CFAP97: variants seen among roughly 807,000 people sequenced by gnomAD.
The protein encoded by CFAP97 is cilia and flagella associated protein 97, also known as cilia- and flagella-associated protein 97.
Under a neutral mutation model 43.1 loss-of-function variants are expected in CFAP97, and 36 were observed. The observed-to-expected ratio is 0.84, with a 90% confidence interval of 0.64 to 1.10. The LOEUF (loss-of-function observed/expected upper bound fraction) is 1.10, where lower values mean the gene tolerates loss of function less well. CFAP97 is among the 50% of genes least tolerant of loss of function. The pLI is 0.00. For missense variants in CFAP97, 657 were observed against 620.3 expected (o/e 1.06, Z -0.63); for synonymous variants, 228 against 225.7 (o/e 1.01, Z -0.09).
chr4:185,171,511 G>C (rs898765520), intron 3 of CFAP97, among the ~76,000 whole-genome samples: 2 of 152,148 alleles, frequency 1.3e-5, no homozygotes, highest in African/African-American at 4.8e-5. Context: ...AACTTTGCTT[G>C]AATTACTTCT....
rs1735761904 is a variant in CFAP97 at position 185,181,092 on chromosome 4, T to C, written c.1055-5041A>G. Among the ~76,000 whole-genome samples, 3 of 151,698 alleles carry C rather than the reference T, an allele frequency of 2.0e-5. No homozygotes were observed. In the South Asian group the frequency reaches 6.2e-4, roughly 31 times the overall value. On this transcript the variant is annotated intron_variant, in intron 2 of 4. Transcript: ENST00000458385. ...CTTAAAACCTTGTCTCTGCAGACTT[T>C]TGTCTGCAGACAAAATACTCTAAAA...
At chr4:185,176,695 G>C (rs954681680) in intron 2 of CFAP97, among the ~76,000 whole-genome samples, 6 of 152,108 alleles carry the variant, frequency 3.9e-5, no homozygotes, top group Admixed American at 1.3e-4. Context: ...TAGCTGGAAA[G>C]GTTAGAAACC....
chr4:185,181,288 TTAAA>T (rs1362650106), intron 2 of CFAP97, among the ~76,000 whole-genome samples: 1 of 150,068 alleles, frequency 6.7e-6, no homozygotes. Flanking sequence ...AAAAAATTAA[TTAAA>T]TAAAAAGCAA....
chr4:185,200,054 T>TA (rs1736755325), intron 1 of CFAP97, among the ~76,000 whole-genome samples: 1 of 152,144 alleles, frequency 6.6e-6, no homozygotes, highest in Non-Finnish European at 1.5e-5. Context: ...CTGAGCAAAA[T>TA]AAATTGAAAA....
Position 185,190,479 on chromosome 4 carries a change from T to C in CFAP97, c.718A>G (p.Lys240Glu). ...GACTCCTCAGGGTAGTGGCCACATT[T>C]TGGTGTAGTACTTGAAGGCTGTGTT... ...TETQPSSTTP[K>E]CGHYPEESED... The change falls in exon 2 of 5, where the codon AAA becomes GAA. Residue 240 changes from lysine to glutamate, a missense_variant. By Grantham distance (56) the Lys-to-Glu change is moderately conservative (BLOSUM62 1). Transcript: ENST00000458385. The C allele has an allele frequency of 6.2e-7, 1 of 1,613,936 alleles. No individual in the cohort carries two copies. The highest frequency in any genetic ancestry group is 8.5e-7 in the Non-Finnish European group (1 of 1,179,868).
At chr4:185,188,430 C>T (rs1006808351) in intron 2 of CFAP97, among the ~76,000 whole-genome samples, 2 of 151,816 alleles carry the variant, frequency 1.3e-5, no homozygotes, top group Admixed American at 1.3e-4. Context: ...GCAAACTCCG[C>T]CTCCCAGGCT....
chr4:185,183,099 CAA>C (rs538286388), intron 2 of CFAP97, among the ~76,000 whole-genome samples: 3 of 127,288 alleles, frequency 2.4e-5, no homozygotes. Context: ...GACTCCGTCT[CAA>C]AAAAAAAAAA....
intron 3 of CFAP97, among the ~76,000 whole-genome samples, chr4:185,164,385 C>G (rs10017725): frequency 0.5 from 76,658 of 151,820 alleles, 19,704 homozygotes; most frequent in African/African-American, 0.61. Flanking sequence ...TTACAGGTGC[C>G]ACCCACCACA....
chr4:185,182,043 A>G (rs1735811915), intron 2 of CFAP97: 1 of 152,224 alleles, frequency 6.6e-6, no homozygotes, highest in South Asian at 2.1e-4. Context: ...TTCTCAAAAT[A>G]CATCCTGTAG....
chr4:185,207,959 T>C (rs72706064), upstream of CFAP97, among the ~76,000 whole-genome samples: 19,456 of 152,134 alleles, frequency 0.13, 1,312 homozygotes, highest in African/African-American at 0.15. Context: ...TCAAAAAACA[T>C]AGATTTGGTT....
chr4:185,184,097 A>C (rs566484653), intron 2 of CFAP97, among the ~76,000 whole-genome samples: 4 of 152,330 alleles, frequency 2.6e-5, no homozygotes, highest in African/African-American at 9.6e-5. Flanking sequence ...TAGTTTACTC[A>C]GTGTCTTGAT....
At chr4:185,208,478 C>T (rs1163331864), upstream of CFAP97, among the ~76,000 whole-genome samples, 3 of 151,706 alleles carry the variant, frequency 2.0e-5, no homozygotes, top group African/African-American at 7.3e-5. Context: ...ACCTATAATC[C>T]CAGCACTTTG....
Position 185,174,351 on chromosome 4 carries a change from C to A in CFAP97, c.1320+1435G>T, listed in dbSNP as rs534448154. On this transcript the variant is annotated intron_variant, in intron 3 of 4. Transcript: ENST00000458385. ...AGCTATCATCTATCTCAGCTCCCAC[C>A]GACCTCATTTCACCTAGCTTAGTTA... is the stretch of plus-strand genomic sequence containing the variant. 2.0e-5 allele frequency among the ~76,000 whole-genome samples: 3 copies of A among 152,120 alleles called. No homozygotes were observed. The East Asian group carries it at 5.8e-4, about 29-fold the overall frequency.
chr4:185,208,276 A>C (rs1737283157), upstream of CFAP97, among the ~76,000 whole-genome samples: 1 of 151,892 alleles, frequency 6.6e-6, no homozygotes, highest in Non-Finnish European at 1.5e-5. Context: ...TCAGCCTCCG[A>C]AAGTGTAGGG....
chr4:185,202,123 G>A (rs1736865169), intron 1 of CFAP97, among the ~76,000 whole-genome samples: 1 of 152,194 alleles, frequency 6.6e-6, no homozygotes, highest in Non-Finnish European at 1.5e-5. Context: ...ACCCAAAGGA[G>A]AACCTGATGA....
intron 3 of CFAP97, chr4:185,170,263 T>G: frequency 1.5e-6 from 1 of 658,584 alleles, no homozygotes; most frequent in Non-Finnish European, 2.7e-6. Context: ...GGAGAATCAC[T>G]TGAACCCAGG....
chr4:185,195,194 T>G lies in CFAP97; in HGVS notation c.-16-3982A>C, dbSNP rs77440439. 5.2e-3 allele frequency among the ~76,000 whole-genome samples: 796 copies of G among 152,202 alleles called. 5 individuals are homozygous for G. The highest frequency in any genetic ancestry group is 0.018 in the African/African-American group (733 of 41,520). ...ATAACACTGAATAAAAAAGCAGAAT[T>G]TAAAAAGCAACGAGGCTGGCACCAT... On this transcript the variant is annotated intron_variant, in intron 1 of 4. Transcript: ENST00000458385.
At chr4:185,178,649 A>G (rs1393235310) in intron 2 of CFAP97, among the ~76,000 whole-genome samples, 2 of 152,164 alleles carry the variant, frequency 1.3e-5, no homozygotes, top group African/African-American at 4.8e-5. Flanking sequence ...ACACATCACC[A>G]CAAGACTTAG....
chr4:185,203,978 C>G lies in CFAP97; in HGVS notation c.-97G>C, dbSNP rs1737064892. The G allele has an allele frequency of 6.6e-6, 1 of 151,338 alleles. No individual in the cohort carries two copies. Among genetic ancestry groups the G allele is most frequent in the Non-Finnish European group, 1.5e-5 (1 of 67,800 alleles). 9.4% of individuals were successfully genotyped at this position (151,338 alleles called of 1,614,324 possible). Reference sequence around the variant, plus strand: ...CTGAACGGGCTCCCGGCGCCGCGCGCCCGCGCTTCCGGAGGCGGAGAGAGC... The same window carrying G: ...CTGAACGGGCTCCCGGCGCCGCGCGGCCGCGCTTCCGGAGGCGGAGAGAGC... On this transcript the variant is annotated 5_prime_UTR_variant, in exon 1 of 5. Coordinates refer to ENST00000458385, the MANE Select transcript of CFAP97 (RefSeq NM_020827.3).
Sources: gnomAD v4.1 joint callset for allele counts (sites outside exome capture counted in the v4.1 genomes callset) on GRCh38, gnomAD v4.1.1 for gene constraint, MANE v1.5 for transcripts, NCBI Gene and HGNC (gene_info 2026-07-23, HGNC 2026-07-21) for gene names.